Variants in EML5 observed in about 807,000 individuals in gnomAD.
EML5 encodes the protein EMAP like 5, also known as echinoderm microtubule-associated protein-like 5.
EML5 carries 120 observed loss-of-function variants against 250.0 expected under a neutral mutation model. The ratio of observed to expected loss-of-function variants is 0.48; its 90% confidence interval spans 0.41 to 0.56. The LOEUF (loss-of-function observed/expected upper bound fraction) is 0.56, where lower values mean the gene tolerates loss of function less well. Among genes scored for constraint, EML5 ranks in the 20% least tolerant of loss-of-function variants. The probability of loss-of-function intolerance (pLI) is 0.00; values close to 1 mark genes in which losing one functional copy is unlikely to be tolerated. For missense variants in EML5, 2,006 were observed against 2,437.6 expected, an observed-to-expected ratio of 0.82 and a Z score of 3.73; for synonymous variants, 771 against 806.5, an observed-to-expected ratio of 0.96 and a Z score of 0.75.
chr14:88,787,687 C>G (rs116385525), intron 1 of EML5, among the ~76,000 whole-genome samples: 1 of 152,160 alleles, frequency 6.6e-6, no homozygotes, highest in Non-Finnish European at 1.5e-5. Context: ...TATTGCAACA[C>G]ATAAAATGAA....
At chr14:88,791,029 A>G (rs1430023044) in intron 1 of EML5, among the ~76,000 whole-genome samples, 3 of 152,204 alleles carry the variant, frequency 2.0e-5, no homozygotes, top group African/African-American at 4.8e-5. Flanking sequence ...ACAAACAAAA[A>G]AAACCAACTG....
rs181537466 is a variant in EML5 at position 88,704,162 on chromosome 14, C to T, written c.2051+698G>A. Among the ~76,000 whole-genome samples, 397 of 152,238 alleles carry T rather than the reference C, an allele frequency of 2.6e-3. 1 individual carries two copies. The highest frequency in any genetic ancestry group is 2.7e-3 in the Admixed American group (42 of 15,290). Reference sequence around the variant, plus strand: ...ATGGGGGCTGATCCCTCATGAATGGCTTGGTGCCATCCCCTTGGTGATGAG... The same window carrying T: ...ATGGGGGCTGATCCCTCATGAATGGTTTGGTGCCATCCCCTTGGTGATGAG... On this transcript the variant is annotated intron_variant, in intron 13 of 43. Coordinates refer to ENST00000554922, the MANE Select transcript of EML5 (RefSeq NM_183387.3).
At chr14:88,622,766 A>G in intron 36 of EML5, 48 bp from the exon 37 acceptor site, 1 of 1,337,576 alleles carries the variant, frequency 7.5e-7, no homozygotes, top group Admixed American at 2.5e-5. Context: ...TGGCTACTAT[A>G]ATTTTTATTA....
intron 21 of EML5, among the ~76,000 whole-genome samples, chr14:88,680,907 A>G (rs147606356): frequency 6.6e-6 from 1 of 152,038 alleles, no homozygotes; most frequent in Admixed American, 6.6e-5. Context: ...GAGTCAGCAG[A>G]AAAAAAACAA....
chr14:88,753,911 G>A (rs1323074635), intron 2 of EML5, among the ~76,000 whole-genome samples: 1 of 152,050 alleles, frequency 6.6e-6, no homozygotes, highest in Non-Finnish European at 1.5e-5. Flanking sequence ...CAACAACACT[G>A]GAGGATAGCT....
rs1354690067 is a variant in EML5, at chr14:88,705,525, T to G, written c.1889A>C (p.Asp630Ala). The G allele has an allele frequency of 3.1e-6, 5 of 1,604,890 alleles. No homozygotes were observed. Among genetic ancestry groups the G allele is most frequent in the Non-Finnish European group, 4.3e-6 (5 of 1,175,246 alleles). ...DSDLSDVPEL[D>A]SEIEQETQLT... Reference sequence around the variant, plus strand: ...CTGTGTCTCTTGTTCAATTTCAGAATCCAGTTCTGGAACATCAGACAGATC... The same window carrying G: ...CTGTGTCTCTTGTTCAATTTCAGAAGCCAGTTCTGGAACATCAGACAGATC... The change falls in exon 12 of 44, where the codon GAT becomes GCT. Residue 630 changes from aspartate to alanine, a missense_variant. Around this residue, in one of 7 missense-constraint regions of EML5, gnomAD observed 1,375 missense variants for 1,590.3 expected, o/e 0.86. Coordinates refer to ENST00000554922, the MANE Select transcript of EML5 (RefSeq NM_183387.3).
chr14:88,685,051 T>C lies in EML5; in HGVS notation c.2946A>G (p.Glu982=). The C allele has an allele frequency of 6.2e-7, 1 of 1,610,970 alleles. No homozygotes were observed. Among genetic ancestry groups the C allele is most frequent in the Non-Finnish European group, 8.5e-7 (1 of 1,178,492 alleles). ...GTGTTATTGGGCCACTTTTATCCAC[T>C]TCTAGTATTTCACCATTCTTTGTGC... ...LVGTKNGEIL[E]VDKSGPITLL... is the part of the protein sequence containing the mutation. Residue 982 remains glutamate (E), a synonymous_variant, in exon 20 of 44, where the codon GAA becomes GAG. Transcript: ENST00000554922.
At chr14:88,763,554 C>T (rs1257887264) in intron 1 of EML5, among the ~76,000 whole-genome samples, 2 of 152,112 alleles carry the variant, frequency 1.3e-5, no homozygotes, top group Non-Finnish European at 2.9e-5. Flanking sequence ...CAGACAGATT[C>T]ACAGCCGAAT....
rs1022862835 is a variant in EML5, at chr14:88,618,917, G to C, written c.5376-105C>G. On this transcript the variant is annotated intron_variant, in intron 39 of 43. Transcript: ENST00000554922. ...AGTTCTTAAAAGTAACGTGTGATAA[G>C]GCCTCAAATAGATTTACCTGTCAGA... 2.6e-6 allele frequency: 3 copies of C among 1,162,944 alleles called. No individual in the cohort carries two copies. In the South Asian group the frequency reaches 5.4e-5, roughly 21 times the overall value. 72.0% of individuals were successfully genotyped at this position (1,162,944 alleles called of 1,614,324 possible).
intron 1 of EML5, among the ~76,000 whole-genome samples, chr14:88,759,453 G>T (rs192277233): frequency 2.6e-5 from 4 of 152,086 alleles, no homozygotes; most frequent in Admixed American, 2.6e-4. Flanking sequence ...GGAGGCTGAG[G>T]CAGGAGGATC....
chr14:88,711,478 C>T (rs2093406953), intron 10 of EML5, among the ~76,000 whole-genome samples: 1 of 150,860 alleles, frequency 6.6e-6, no homozygotes, highest in Non-Finnish European at 1.5e-5. Context: ...AAGGAGAAGT[C>T]CATGAGATCA....
chr14:88,678,452 TA>T lies in EML5; in HGVS notation c.3124+3437del, dbSNP rs200566698. On this transcript the variant is annotated intron_variant, in intron 21 of 43. Coordinates refer to ENST00000554922, the MANE Select transcript of EML5 (RefSeq NM_183387.3). ...TCCCGGAACTTAAAATAACATAAAA[TA>T]AAAAAAAATTTTAAAGCCACATCTG... Among the ~76,000 whole-genome samples, 547 of 151,468 alleles carry T rather than the reference TA, an allele frequency of 3.6e-3. 3 individuals are homozygous for T. Among genetic ancestry groups the T allele is most frequent in the African/African-American group, 0.012 (501 of 41,282 alleles).
chr14:88,665,609 C>T, intron 21 of EML5, 120 bp from the exon 22 acceptor site: 1 of 1,349,566 alleles, frequency 7.4e-7, no homozygotes, highest in Non-Finnish European at 1.0e-6. Context: ...GGAGGACTGC[C>T]CGCGGCCAGG....
intron 1 of EML5, among the ~76,000 whole-genome samples, chr14:88,780,871 C>T (rs2094491558): frequency 6.6e-6 from 1 of 152,186 alleles, no homozygotes; most frequent in African/African-American, 2.4e-5. Context: ...CTGCACCTGG[C>T]TGAGTGGGGC....
chr14:88,765,404 T>C (rs2094307497), intron 1 of EML5, among the ~76,000 whole-genome samples: 1 of 152,202 alleles, frequency 6.6e-6, no homozygotes, highest in Admixed American at 6.5e-5. Context: ...GCTCACCTCC[T>C]CAAGGCCAAC....
At position 88,627,805 on chromosome 14, in the gene EML5, T is replaced by C. The variant is rs2090116390; in HGVS notation, c.4372A>G (p.Ile1458Val). ...TTGTTCATTGCATCCCAGATGTGAA[T>C]AGAAGGAGCTGTAGCTAAATAAAGA... Reference protein sequence around the residue: ...SADMSATAPSIHIWDAMNKQT... With the variant: ...SADMSATAPSVHIWDAMNKQT... Residue 1458 changes from isoleucine to valine, a missense_variant, in exon 34 of 44, where the codon ATT (isoleucine) becomes GTT (valine). Physicochemically the swap from Ile to Val is conservative, Grantham distance 29. Transcript: ENST00000554922. 3 of 1,596,644 alleles carry C rather than the reference T, an allele frequency of 1.9e-6. No homozygotes were observed. The highest frequency in any genetic ancestry group is 2.2e-5 in the East Asian group (1 of 44,574).
At chr14:88,670,143 C>A (rs1693504352) in intron 21 of EML5, among the ~76,000 whole-genome samples, 2 of 151,196 alleles carry the variant, frequency 1.3e-5, no homozygotes, top group African/African-American at 2.4e-5. Flanking sequence ...GGTGAAACCC[C>A]ATCTCTACTA....
Position 88,618,637 on chromosome 14 carries a change from A to G in EML5, c.5538+13T>C, listed in dbSNP as rs753580883. The stretch of plus-strand genomic sequence containing the variant: ...AGAACTTGCCACCTGGGTATACAGT[A>G]TTGGTACTGTACCTGGAGATAACTG... On this transcript the variant is annotated intron_variant, in intron 40 of 43. Coordinates refer to ENST00000554922, the MANE Select transcript of EML5 (RefSeq NM_183387.3). 5.0e-6 allele frequency: 8 copies of G among 1,610,752 alleles called. No individual in the cohort carries two copies. The Admixed American group carries it at 6.7e-5, about 14-fold the overall frequency.
At position 88,688,845 on chromosome 14, in the gene EML5, A is replaced by G. The variant is rs560931682; in HGVS notation, c.2540-372T>C. Among the ~76,000 whole-genome samples, 28 of 152,334 alleles carry G rather than the reference A, an allele frequency of 1.8e-4. 1 individual carries two copies. In the East Asian group the frequency reaches 5.2e-3, roughly 28 times the overall value. Reference sequence around the variant, plus strand: ...ACAAAAAGATCCCAAAGTAACTGAAATGTCATGCCAACCTCATCTCCCTTC... The same window carrying G: ...ACAAAAAGATCCCAAAGTAACTGAAGTGTCATGCCAACCTCATCTCCCTTC... On this transcript the variant is annotated intron_variant, in intron 17 of 43. Coordinates refer to ENST00000554922, the MANE Select transcript of EML5 (RefSeq NM_183387.3).
Sources: allele counts gnomAD v4.1 joint callset (sites outside exome capture counted in the v4.1 genomes callset), GRCh38; gene constraint gnomAD v4.1.1; regional missense constraint gnomAD v4.1.1; transcripts MANE v1.5; gene names NCBI Gene and HGNC (gene_info 2026-07-23, HGNC 2026-07-21).